Variants in EFR3A observed in about 807,000 individuals in gnomAD.
EFR3A encodes protein EFR3 homolog A.
Under a neutral mutation model 104.4 loss-of-function variants are expected in EFR3A, and 76 were observed. That is an observed-to-expected ratio of 0.73 (90% CI 0.60 to 0.88). The LOEUF is 0.88. Among genes scored for constraint, EFR3A ranks in the 40% least tolerant of loss-of-function variants. The probability of loss-of-function intolerance (pLI) is 0.00; values close to 1 mark genes in which losing one functional copy is unlikely to be tolerated. For synonymous variants in EFR3A, 330 were observed against 330.0 expected (o/e 1.00, Z 0.00); for missense variants, 985 against 1,012.5 (o/e 0.97, Z 0.37).
At position 131,953,824 on chromosome 8, in the gene EFR3A, A is replaced by G; in HGVS notation, c.495A>G (p.Arg165=). The G allele has an allele frequency of 1.3e-6, 2 of 1,519,022 alleles. No homozygotes were observed. Among genetic ancestry groups the G allele is most frequent in the Admixed American group, 2.3e-5 (1 of 44,212 alleles). The allele number at this position is 1,519,022 out of a possible 1,614,324, so 94.1% of individuals were successfully genotyped here. A position where few individuals can be genotyped will look rare whatever the true frequency, so the allele number is the denominator to read the frequency against. The change falls in exon 6 of 23, where the codon CGA becomes CGG. Residue 165 remains arginine, a synonymous_variant. Coordinates refer to ENST00000254624, the MANE Select transcript of EFR3A (RefSeq NM_015137.6). ...TTTTTTTTTTTTTTTATAGGATACG[A>G]ATTGCTGGAATTAGAGGTATTCAAG... The part of the protein sequence containing the change: ...HSDPEIRTEI[R]IAGIRGIQGV...
intron 1 of EFR3A, among the ~76,000 whole-genome samples, chr8:131,933,613 G>C (rs530843265): frequency 1.3e-5 from 2 of 152,044 alleles, no homozygotes; most frequent in African/African-American, 4.8e-5. Flanking sequence ...ACTCTGCTGA[G>C]TAATATTTAA....
chr8:131,989,252 C>T (rs1821042830), intron 18 of EFR3A, among the ~76,000 whole-genome samples: 1 of 152,098 alleles, frequency 6.6e-6, no homozygotes, highest in Non-Finnish European at 1.5e-5. Flanking sequence ...AATTAAATTT[C>T]CTTTTGCTGT....
intron 1 of EFR3A, among the ~76,000 whole-genome samples, chr8:131,930,412 C>T (rs1817533284): frequency 1.3e-5 from 2 of 151,818 alleles, no homozygotes; most frequent in Admixed American, 6.6e-5. Flanking sequence ...TAAAATAATT[C>T]CCAAGGACTG....
chr8:131,960,569 A>G (rs1819259776), intron 8 of EFR3A, among the ~76,000 whole-genome samples: 1 of 152,210 alleles, frequency 6.6e-6, no homozygotes, highest in South Asian at 2.1e-4. Flanking sequence ...TTATCATTGT[A>G]CAATTAAAAC....
chr8:131,919,993 C>G (rs1294868112), intron 1 of EFR3A, among the ~76,000 whole-genome samples: 1 of 151,986 alleles, frequency 6.6e-6, no homozygotes, highest in African/African-American at 2.4e-5. Context: ...TTTCTGCATG[C>G]TGAAGTTACA....
Position 132,012,684 on chromosome 8 carries a change from AATC to A in EFR3A, c.*1796_*1798del, listed in dbSNP as rs1172528324. 3.3e-5 allele frequency: 5 copies of A among 152,552 alleles called. No homozygotes were observed. The highest frequency in any genetic ancestry group is 7.4e-5 in the Non-Finnish European group (5 of 68,022). The allele number at this position is 152,552 out of a possible 1,614,324, so 9.4% of individuals were successfully genotyped here. ...TCTAAGCAGGGGGACATGCAAAAAC[AATC>A]ATCATCCACTTGGATGTCATTTTAT... is the stretch of plus-strand genomic sequence containing the variant. On this transcript the variant is annotated 3_prime_UTR_variant, in exon 23 of 23. Coordinates refer to ENST00000254624, the MANE Select transcript of EFR3A (RefSeq NM_015137.6).
At chr8:131,921,348 A>G (rs532455962) in intron 1 of EFR3A, among the ~76,000 whole-genome samples, 11 of 152,216 alleles carry the variant, frequency 7.2e-5, no homozygotes, top group African/African-American at 2.4e-4. Context: ...TTTTATAAGA[A>G]TACTAGTCGT....
intron 1 of EFR3A, among the ~76,000 whole-genome samples, chr8:131,911,920 T>C (rs970376633): frequency 2.6e-5 from 4 of 152,180 alleles, no homozygotes; most frequent in East Asian, 1.9e-4. Flanking sequence ...GTAATTTCTT[T>C]ATGATCAGTT....
chr8:131,971,459 C>T lies in EFR3A; in HGVS notation c.1159+816C>T, dbSNP rs1243804668. On this transcript the variant is annotated intron_variant, in intron 10 of 22. Coordinates refer to ENST00000254624, the MANE Select transcript of EFR3A (RefSeq NM_015137.6). ...ATCCCAGCACTTTGGGAGGCTGAGG[C>T]GGGCGGATCACGAGGTCAGGAGATC... Among the ~76,000 whole-genome samples, 4 of 152,066 alleles carry T rather than the reference C, an allele frequency of 2.6e-5. No individual in the cohort carries two copies. In the South Asian group the frequency reaches 6.2e-4, roughly 24 times the overall value.
At chr8:131,972,768 C>A (rs567699895) in intron 10 of EFR3A, among the ~76,000 whole-genome samples, 25 of 152,110 alleles carry the variant, frequency 1.6e-4, no homozygotes, top group Admixed American at 3.3e-4. Flanking sequence ...ATATAAATTT[C>A]TTCTGAAACT....
intron 22 of EFR3A, among the ~76,000 whole-genome samples, chr8:132,009,429 A>AG (rs1822211134): frequency 6.6e-6 from 1 of 152,138 alleles, no homozygotes; most frequent in South Asian, 2.1e-4. Context: ...AAGAGCAGTC[A>AG]GGAAAATGCT....
At chr8:131,968,909 A>G (rs886909853) in intron 9 of EFR3A, among the ~76,000 whole-genome samples, 1 of 152,206 alleles carries the variant, frequency 6.6e-6, no homozygotes. Flanking sequence ...AGTGGCTTTA[A>G]AATTAAGTTG....
chr8:131,904,993 C>T (rs1361506948), intron 1 of EFR3A, among the ~76,000 whole-genome samples: 1 of 152,190 alleles, frequency 6.6e-6, no homozygotes, highest in Middle Eastern at 3.2e-3. Flanking sequence ...CTGGGGTTAC[C>T]AAGGCACCCC....
chr8:131,907,829 C>T (rs1463754003), intron 1 of EFR3A, among the ~76,000 whole-genome samples: 1 of 151,704 alleles, frequency 6.6e-6, no homozygotes, highest in Admixed American at 6.6e-5. Context: ...CTCCCCTCCC[C>T]TCCCATCTCC....
At chr8:131,974,841 T>C (rs1241069187) in intron 10 of EFR3A, among the ~76,000 whole-genome samples, 1 of 152,142 alleles carries the variant, frequency 6.6e-6, no homozygotes, top group African/African-American at 2.4e-5. Flanking sequence ...ACAGTTTGAG[T>C]TTATATAAAC....
intron 1 of EFR3A, chr8:131,935,443 A>G (rs1817827823): frequency 7.4e-6 from 3 of 405,290 alleles, no homozygotes; most frequent in South Asian, 5.4e-5. Flanking sequence ...GTGCTGTGAT[A>G]GAAATATATA....
chr8:132,009,086 T>C (rs1158563094), intron 22 of EFR3A, among the ~76,000 whole-genome samples: 3 of 151,894 alleles, frequency 2.0e-5, no homozygotes, highest in Admixed American at 6.6e-5. Flanking sequence ...CAGGAAAATA[T>C]AAGAAAACCA....
intron 10 of EFR3A, among the ~76,000 whole-genome samples, chr8:131,975,378 C>A (rs1162645218): frequency 3.3e-5 from 5 of 149,700 alleles, no homozygotes; most frequent in African/African-American, 1.2e-4. Flanking sequence ...ATCAGAAATA[C>A]TACCAAAATA....
At chr8:131,928,116 CGTGTAGTTAAGTA>C (rs1817394921) in intron 1 of EFR3A, among the ~76,000 whole-genome samples, 2 of 152,052 alleles carry the variant, frequency 1.3e-5, no homozygotes, top group African/African-American at 4.8e-5. Flanking sequence ...TGGCACTTTG[CGTGTAGTTAAGTA>C]CCTTATAAAC....
Sources: gnomAD v4.1 joint callset for allele counts (sites outside exome capture counted in the v4.1 genomes callset) on GRCh38, gnomAD v4.1.1 for gene constraint, MANE v1.5 for transcripts, NCBI Gene and HGNC (gene_info 2026-07-23, HGNC 2026-07-21) for gene names.